Variants in ST8SIA4 observed in about 807,000 individuals in gnomAD.
The protein encoded by ST8SIA4 is CMP-N-acetylneuraminate-poly-alpha-2,8-sialyltransferase.
In ST8SIA4, 15 loss-of-function variants were observed where a neutral mutation model predicts 33.9. That is an observed-to-expected ratio of 0.44 (90% CI 0.30 to 0.68). The LOEUF is 0.68. Ranked by LOEUF, ST8SIA4 falls within the 30% of genes least tolerant of loss-of-function variation. ST8SIA4 has a pLI of 0.10. For missense variants in ST8SIA4, 321 were observed against 428.0 expected (o/e 0.75, Z 2.21); for synonymous variants, 171 against 151.2 (o/e 1.13, Z -0.96).
intron 4 of ST8SIA4, among the ~76,000 whole-genome samples, chr5:100,813,929 C>T (rs974832331): frequency 4.6e-5 from 7 of 151,906 alleles, no homozygotes; most frequent in African/African-American, 1.7e-4. Context: ...AACAATTTGG[C>T]AGTATGAAGG....
intron 4 of ST8SIA4, among the ~76,000 whole-genome samples, chr5:100,813,098 G>A (rs1750847258): frequency 6.6e-6 from 1 of 152,016 alleles, no homozygotes; most frequent in Non-Finnish European, 1.5e-5. Flanking sequence ...TATTATGTTA[G>A]ATCCTGTTTG....
At chr5:100,822,766 T>C (rs1751054684) in intron 4 of ST8SIA4, among the ~76,000 whole-genome samples, 1 of 152,118 alleles carries the variant, frequency 6.6e-6, no homozygotes, top group Non-Finnish European at 1.5e-5. Context: ...CGATTAGGCA[T>C]TCTAAGTCAC....
intron 4 of ST8SIA4, among the ~76,000 whole-genome samples, chr5:100,854,304 C>T (rs935373066): frequency 6.6e-6 from 1 of 151,734 alleles, no homozygotes; most frequent in Non-Finnish European, 1.5e-5. Context: ...GCAATTTAGG[C>T]CAGGCACGGT....
At chr5:100,856,514 C>T (rs1751816693) in intron 3 of ST8SIA4, 118 bp from the exon 4 acceptor site, 1 of 953,080 alleles carries the variant, frequency 1.0e-6, no homozygotes, top group Non-Finnish European at 1.5e-6. Context: ...GAAAAGAAAA[C>T]CAAAAGATCA....
rs564125631 is a variant in ST8SIA4, at chr5:100,825,908, T to C, written c.798-13779A>G. On this transcript the variant is annotated intron_variant, in intron 4 of 4. Coordinates refer to ENST00000231461, the MANE Select transcript of ST8SIA4 (RefSeq NM_005668.6). ...TCAGTAATGCTTAATTTGACTTGCC[T>C]ATATTAGGGTCAAAAAATACAATTA... Among the ~76,000 whole-genome samples, 164 of 152,266 alleles carry C rather than the reference T, an allele frequency of 1.1e-3. 1 individual carries two copies. The highest frequency in any genetic ancestry group is 6.8e-3 in the Middle Eastern group (2 of 294).
chr5:100,890,456 G>A (rs965755478), intron 2 of ST8SIA4: 4 of 151,814 alleles, frequency 2.6e-5, no homozygotes, highest in African/African-American at 4.8e-5. Flanking sequence ...TTAACAGCAG[G>A]TCAAACAAAA....
At chr5:100,828,008 C>T (rs1751178399) in intron 4 of ST8SIA4, among the ~76,000 whole-genome samples, 1 of 152,222 alleles carries the variant, frequency 6.6e-6, no homozygotes. Context: ...ATCCACTTAG[C>T]TATGCATATA....
intron 4 of ST8SIA4, among the ~76,000 whole-genome samples, chr5:100,812,482 G>A (rs1351675849): frequency 6.6e-6 from 1 of 151,952 alleles, no homozygotes; most frequent in Non-Finnish European, 1.5e-5. Context: ...CAGAAGTCAT[G>A]GTAATTGGGT....
chr5:100,876,985 G>A (rs1314913161), intron 3 of ST8SIA4, among the ~76,000 whole-genome samples: 1 of 152,098 alleles, frequency 6.6e-6, no homozygotes, highest in Non-Finnish European at 1.5e-5. Flanking sequence ...CAGCCACTAA[G>A]AGAGTACCTT....
At chr5:100,861,765 C>CT (rs367558297) in intron 3 of ST8SIA4, among the ~76,000 whole-genome samples, 8 of 152,160 alleles carry the variant, frequency 5.3e-5, no homozygotes, top group Middle Eastern at 3.4e-3. Flanking sequence ...GCTTATAACT[C>CT]TTTTTTTACT....
Position 100,812,405 on chromosome 5 carries a change from T to A in ST8SIA4, c.798-276A>T, listed in dbSNP as rs190975075. 7.2e-5 allele frequency among the ~76,000 whole-genome samples: 11 copies of A among 152,232 alleles called. No homozygotes were observed. In the East Asian group the frequency reaches 2.1e-3, roughly 29 times the overall value. Reference sequence around the variant, plus strand: ...TTACTCTAGAATCTCACCTTTGAAATGAATAATAGCAAACATTTATATAAC... The same window carrying A: ...TTACTCTAGAATCTCACCTTTGAAAAGAATAATAGCAAACATTTATATAAC... On this transcript the variant is annotated intron_variant, in intron 4 of 4. Coordinates refer to ENST00000231461, the MANE Select transcript of ST8SIA4 (RefSeq NM_005668.6).
chr5:100,899,082 T>A (rs955019337), intron 1 of ST8SIA4, among the ~76,000 whole-genome samples: 2 of 152,228 alleles, frequency 1.3e-5, no homozygotes, highest in African/African-American at 4.8e-5. Flanking sequence ...GTAAGACATA[T>A]GATTAATTTC....
chr5:100,861,510 T>C (rs987974624), intron 3 of ST8SIA4, among the ~76,000 whole-genome samples: 1 of 152,258 alleles, frequency 6.6e-6, no homozygotes, highest in African/African-American at 2.4e-5. Context: ...AAATTTGCTA[T>C]AACTGCACAA....
intron 3 of ST8SIA4, among the ~76,000 whole-genome samples, chr5:100,880,202 C>T (rs969776216): frequency 3.3e-5 from 5 of 151,918 alleles, no homozygotes; most frequent in Non-Finnish European, 7.4e-5. Flanking sequence ...AGACTCTTTA[C>T]TAGGGTCTGA....
intron 3 of ST8SIA4, among the ~76,000 whole-genome samples, chr5:100,877,539 A>T (rs561037045): frequency 6.6e-6 from 1 of 152,320 alleles, no homozygotes; most frequent in Admixed American, 6.5e-5. Flanking sequence ...GTCATTGAAG[A>T]TCTCGTGTCC....
intron 3 of ST8SIA4, among the ~76,000 whole-genome samples, chr5:100,859,319 ATTACTC>A (rs1751883145): frequency 6.6e-6 from 1 of 152,170 alleles, no homozygotes; most frequent in African/African-American, 2.4e-5. Context: ...TGATACTCAT[ATTACTC>A]TTAATCTCAT....
chr5:100,823,013 C>G (rs1156471427), intron 4 of ST8SIA4, among the ~76,000 whole-genome samples: 1 of 152,034 alleles, frequency 6.6e-6, no homozygotes, highest in African/African-American at 2.4e-5. Flanking sequence ...CGCCTGTAGT[C>G]CCAGCTACTC....
At chr5:100,838,774 C>G (rs1174089113) in intron 4 of ST8SIA4, among the ~76,000 whole-genome samples, 1 of 151,962 alleles carries the variant, frequency 6.6e-6, no homozygotes, top group Non-Finnish European at 1.5e-5. Flanking sequence ...TGCTTAGAAG[C>G]TATTCTCTGG....
rs73160000 is a variant in ST8SIA4 at position 100,869,626 on chromosome 5, C to T, written c.504-13230G>A. On this transcript the variant is annotated intron_variant, in intron 3 of 4. Coordinates refer to ENST00000231461, the MANE Select transcript of ST8SIA4 (RefSeq NM_005668.6). The stretch of plus-strand genomic sequence containing the variant: ...TTTCTGTACTTCTCAGTATGTTTCT[C>T]TTCTGTTTATAACAATAACAACAAA... Among the ~76,000 whole-genome samples, 608 of 152,138 alleles carry T rather than the reference C, an allele frequency of 4.0e-3. 5 individuals are homozygous for T. The highest frequency in any genetic ancestry group is 0.014 in the African/African-American group (584 of 41,530).
Sources: gnomAD v4.1 joint callset for allele counts (sites outside exome capture counted in the v4.1 genomes callset) on GRCh38, gnomAD v4.1.1 for gene constraint, MANE v1.5 for transcripts, NCBI Gene and HGNC (gene_info 2026-07-23, HGNC 2026-07-21) for gene names.